Variants in AGBL1 observed in about 807,000 individuals in gnomAD.
AGBL1 encodes the protein AGBL carboxypeptidase 1.
AGBL1 carries 130 observed loss-of-function variants against 118.9 expected under a neutral mutation model. That is an observed-to-expected ratio of 1.09 (90% CI 0.95 to 1.26). The LOEUF is 1.26. AGBL1 is among the 50% of genes most tolerant of loss of function. The pLI is 0.00. For synonymous variants in AGBL1, 555 were observed against 478.9 expected, an observed-to-expected ratio of 1.16 and a Z score of -2.08; for missense variants, 1,584 against 1,298.1, an observed-to-expected ratio of 1.22 and a Z score of -3.38.
At chr15:86,334,966 A>G (rs1037259877) in intron 17 of AGBL1, among the ~76,000 whole-genome samples, 1 of 152,218 alleles carries the variant, frequency 6.6e-6, no homozygotes, top group Non-Finnish European at 1.5e-5. Flanking sequence ...GAAATGAAAG[A>G]TATATCCATT....
intron 22 of AGBL1, among the ~76,000 whole-genome samples, chr15:86,793,256 A>G (rs536323710): frequency 2.0e-5 from 3 of 152,340 alleles, no homozygotes; most frequent in Admixed American, 6.5e-5. Flanking sequence ...CTTGACCAAA[A>G]GAATATTTAG....
At chr15:86,541,901 C>A (rs2083502559) in intron 19 of AGBL1, among the ~76,000 whole-genome samples, 1 of 152,114 alleles carries the variant, frequency 6.6e-6, no homozygotes, top group Non-Finnish European at 1.5e-5. Context: ...AAAGAAATAG[C>A]TTGCACACAA....
At chr15:86,150,342 G>GT (rs1028285893) in intron 3 of AGBL1, among the ~76,000 whole-genome samples, 1 of 152,090 alleles carries the variant, frequency 6.6e-6, no homozygotes, top group African/African-American at 2.4e-5. Context: ...TCCAGGACCT[G>GT]TTTTTTTGAA....
At chr15:86,200,950 T>C (rs187947906) in intron 5 of AGBL1, among the ~76,000 whole-genome samples, 2 of 152,216 alleles carry the variant, frequency 1.3e-5, no homozygotes. Context: ...GAAAATAAAA[T>C]TGTCTTCTTA....
downstream of AGBL1, chr15:87,029,077 A>G: frequency 2.2e-6 from 1 of 447,314 alleles, no homozygotes; most frequent in Non-Finnish European, 4.0e-6. Flanking sequence ...CTGAACCTAG[A>G]ACAGGACAGA....
intron 17 of AGBL1, among the ~76,000 whole-genome samples, chr15:86,357,337 T>G (rs1287054703): frequency 1.3e-5 from 2 of 152,190 alleles, no homozygotes; most frequent in Non-Finnish European, 2.9e-5. Flanking sequence ...GGTAATTAAG[T>G]CAAAACTGAA....
intron 18 of AGBL1, among the ~76,000 whole-genome samples, chr15:86,452,239 GCCAAGTGGC>G (rs910166645): frequency 5.3e-5 from 8 of 152,146 alleles, no homozygotes; most frequent in Non-Finnish European, 1.2e-4. Flanking sequence ...CTCCAGGCAG[GCCAAGTGGC>G]CACATGTTTG....
intron 22 of AGBL1, among the ~76,000 whole-genome samples, chr15:86,699,170 T>A (rs192263821): frequency 3.3e-4 from 50 of 151,994 alleles, no homozygotes; most frequent in South Asian, 1.3e-3. Flanking sequence ...TTCAAAAAAA[T>A]TTTGTATATC....
intron 1 of AGBL1, among the ~76,000 whole-genome samples, chr15:86,093,476 A>G (rs979518542): frequency 2.0e-5 from 3 of 152,192 alleles, no homozygotes; most frequent in African/African-American, 7.2e-5. Flanking sequence ...AAAATACTGC[A>G]CATAGAATGT....
chr15:86,297,581 G>T (rs1256424119), intron 17 of AGBL1, among the ~76,000 whole-genome samples: 7 of 152,228 alleles, frequency 4.6e-5, no homozygotes, highest in Admixed American at 4.6e-4. Context: ...GCAAAGGCCA[G>T]TGCCTTTCTG....
intron 18 of AGBL1, among the ~76,000 whole-genome samples, chr15:86,415,129 A>G (rs932567271): frequency 2.0e-5 from 3 of 152,170 alleles, no homozygotes; most frequent in Admixed American, 2.0e-4. Context: ...TCTTTACCCA[A>G]TGGCCTTTCA....
chr15:86,162,263 C>T (rs575639151), intron 5 of AGBL1, among the ~76,000 whole-genome samples: 4 of 152,272 alleles, frequency 2.6e-5, no homozygotes, highest in South Asian at 4.1e-4. Flanking sequence ...CAAATGCTAG[C>T]ATGCTATGGG....
chr15:86,140,697 G>C (rs1295867149), intron 1 of AGBL1, among the ~76,000 whole-genome samples: 1 of 152,116 alleles, frequency 6.6e-6, no homozygotes, highest in African/African-American at 2.4e-5. Context: ...CGTGGAGCTG[G>C]AGTGCACTTG....
At chr15:86,537,458 T>G (rs1303658366) in intron 19 of AGBL1, among the ~76,000 whole-genome samples, 1 of 152,184 alleles carries the variant, frequency 6.6e-6, no homozygotes, top group Non-Finnish European at 1.5e-5. Context: ...TGTCTGAAAC[T>G]GGGGAAAGGG....
chr15:86,293,177 G>C (rs1231934327), intron 16 of AGBL1, among the ~76,000 whole-genome samples: 1 of 152,052 alleles, frequency 6.6e-6, no homozygotes, highest in Admixed American at 6.6e-5. Context: ...TTTTTCCCTT[G>C]TATGTTAGTT....
intron 10 of AGBL1, among the ~76,000 whole-genome samples, chr15:86,263,248 C>A (rs2079021230): frequency 6.6e-6 from 1 of 152,162 alleles, no homozygotes; most frequent in South Asian, 2.1e-4. Context: ...TGTTTAGACA[C>A]ACAAATCCCA....
At chr15:86,350,260 G>A (rs1451474060) in intron 17 of AGBL1, among the ~76,000 whole-genome samples, 1 of 152,154 alleles carries the variant, frequency 6.6e-6, no homozygotes, top group Non-Finnish European at 1.5e-5. Flanking sequence ...ATATGAGGGA[G>A]GTGAAACTCA....
intron 17 of AGBL1, among the ~76,000 whole-genome samples, chr15:86,356,722 G>A (rs2080727128): frequency 6.6e-6 from 1 of 152,174 alleles, no homozygotes; most frequent in Non-Finnish European, 1.5e-5. Flanking sequence ...TAGAGCAAGA[G>A]TTAAGGCTGT....
intron 23 of AGBL1, among the ~76,000 whole-genome samples, chr15:86,964,607 G>A (rs1482587961): frequency 6.6e-6 from 1 of 151,426 alleles, no homozygotes; most frequent in Non-Finnish European, 1.5e-5. Flanking sequence ...CTTGCCTATG[G>A]TCACTTCTGC....
Sources: gnomAD v4.1 joint callset for allele counts (sites outside exome capture counted in the v4.1 genomes callset) on GRCh38, gnomAD v4.1.1 for gene constraint, MANE v1.5 for transcripts, NCBI Gene and HGNC (gene_info 2026-07-23, HGNC 2026-07-21) for gene names.